The following NSUN2 variants were observed in gnomAD, a reference collection of about 807,000 sequenced individuals.
The protein encoded by NSUN2 is NOP2/Sun RNA methyltransferase 2.
Under a neutral mutation model 92.7 loss-of-function variants are expected in NSUN2, and 63 were observed. The observed-to-expected ratio is 0.68, with a 90% CI of 0.56 to 0.84. The LOEUF (loss-of-function observed/expected upper bound fraction) is 0.84, where lower values mean the gene tolerates loss of function less well. Among genes scored for constraint, NSUN2 ranks in the 40% least tolerant of loss-of-function variants. The pLI, the probability that NSUN2 is intolerant of heterozygous loss-of-function variation, is 0.00. For synonymous variants in NSUN2, 356 were observed against 348.3 expected, an observed-to-expected ratio of 1.02 and a Z score of -0.25; for missense variants, 989 against 964.9, an observed-to-expected ratio of 1.02 and a Z score of -0.33.
chr5:6,630,913 A>G (rs193742), intron 3 of NSUN2, among the ~76,000 whole-genome samples: 26,582 of 152,010 alleles, frequency 0.17, 2,603 homozygotes, highest in African/African-American at 0.24. Context: ...CTAGCAAGGT[A>G]AAAACCCGTC....
At chr5:6,606,192 G>A (rs1038750245) in intron 14 of NSUN2, among the ~76,000 whole-genome samples, 12 of 152,182 alleles carry the variant, frequency 7.9e-5, no homozygotes, top group African/African-American at 2.9e-4. Context: ...TACAGAAACT[G>A]AACTAGACAA....
At chr5:6,602,373 C>T (rs1490688461) in intron 18 of NSUN2, 88 bp downstream of exon 18, 7 of 1,370,626 alleles carry the variant, frequency 5.1e-6, no homozygotes, top group African/African-American at 1.4e-5. Context: ...AAGGTTCCCA[C>T]CTTCCCAAGT....
chr5:6,629,522 TC>T (rs1737785347), intron 3 of NSUN2, among the ~76,000 whole-genome samples: 1 of 152,200 alleles, frequency 6.6e-6, no homozygotes, highest in Non-Finnish European at 1.5e-5. Context: ...GCATTTCTTA[TC>T]CCGTCTCTGC....
chr5:6,631,796 G>T, intron 3 of NSUN2, 77 bp downstream of exon 3: 2 of 1,105,108 alleles, frequency 1.8e-6, no homozygotes, highest in Non-Finnish European at 2.7e-6. Context: ...AGCAAATGCA[G>T]TACCAAGAAA....
intron 6 of NSUN2, chr5:6,621,306 A>C (rs2126497842): frequency 6.6e-6 from 1 of 152,288 alleles, no homozygotes; most frequent in African/African-American, 2.4e-5. Context: ...GGTAGCTTTT[A>C]ACTACACACT....
rs1367564724 is a variant in NSUN2, at chr5:6,614,094, GGAAAAAAAAAAA to G, written c.1022-2308_1022-2297del. On this transcript the variant is annotated intron_variant, in intron 9 of 18. Transcript: ENST00000264670. ...CTGGGCAACAGAGCGAGACTGTCTC[GGAAAAAAAAAAA>G]AAAAAAAAAAAAAAAACCCACAACA... Among the ~76,000 whole-genome samples, 13 of 53,404 alleles carry G rather than the reference GGAAAAAAAAAAA, an allele frequency of 2.4e-4. 1 individual carries two copies. The highest frequency in any genetic ancestry group is 7.4e-4 in the South Asian group (1 of 1,360). The allele number at this position is 53,404 out of a possible 152,430, so 35.0% of individuals were successfully genotyped here.
At chr5:6,612,057 G>T (rs185650829) in intron 9 of NSUN2, among the ~76,000 whole-genome samples, 2 of 152,306 alleles carry the variant, frequency 1.3e-5, no homozygotes, top group East Asian at 3.9e-4. Context: ...CCTAAAGCTG[G>T]ACTGTGGTAA....
At position 6,607,375 on chromosome 5, in the gene NSUN2, T is replaced by C. The variant is rs368227628; in HGVS notation, c.1333A>G (p.Lys445Glu). Reference protein sequence around the residue: ...WNKRQPKLQGKSAETRESTQL... With the variant: ...WNKRQPKLQGESAETRESTQL... Reference sequence around the variant, plus strand: ...GTGCTTTCTCTGGTCTCTGCAGATTTACCCTGAAGCTGTCATAAAGAACAA... The same window carrying C: ...GTGCTTTCTCTGGTCTCTGCAGATTCACCCTGAAGCTGTCATAAAGAACAA... Residue 445 changes from lysine (K) to glutamate (E), a missense_variant, in exon 13 of 19, where the codon AAA becomes GAA. Around this residue, in one of 3 missense-constraint regions of NSUN2, gnomAD observed 626 missense variants for 602.3 expected, o/e 1.04. Coordinates refer to ENST00000264670, the MANE Select transcript of NSUN2 (RefSeq NM_017755.6). 3.7e-6 allele frequency: 6 copies of C among 1,611,304 alleles called. No individual in the cohort carries two copies. The highest frequency in any genetic ancestry group is 1.7e-5 in the Admixed American group (1 of 59,736).
chr5:6,615,275 A>G (rs2459720), intron 9 of NSUN2, among the ~76,000 whole-genome samples: 4,194 of 152,282 alleles, frequency 0.028, 211 homozygotes, highest in African/African-American at 0.095. Context: ...GGGATCTGAA[A>G]GCAGACTGTG....
In NSUN2 at chr5:6,622,113, C is replaced by G; in HGVS notation, c.538-13G>C. On this transcript the variant is annotated splice_polypyrimidine_tract_variant and intron_variant, in intron 5 of 18. Coordinates refer to ENST00000264670, the MANE Select transcript of NSUN2 (RefSeq NM_017755.6). ...ACATATCTAAGATCTATTAACAAAG[C>G]AAGAAACTGTTTCATGTTTTTAAAA... is the stretch of plus-strand genomic sequence containing the variant. The G allele has an allele frequency of 5.0e-6, 8 of 1,598,316 alleles. No homozygotes were observed. Among genetic ancestry groups the G allele is most frequent in the Non-Finnish European group, 6.8e-6 (8 of 1,169,916 alleles).
Position 6,631,870 on chromosome 5 carries a change from T to G in NSUN2, c.359+3A>C. The G allele has an allele frequency of 6.3e-7, 1 of 1,598,388 alleles. No homozygotes were observed. Among genetic ancestry groups the G allele is most frequent in the Non-Finnish European group, 8.6e-7 (1 of 1,166,070 alleles). ...ATTCGGCATGAAGCACTGTGGTACC[T>G]ACCAACTCAGTGGCTGTGGAACTTC... On this transcript the variant is annotated splice_donor_region_variant and intron_variant, in intron 3 of 18. Transcript: ENST00000264670.
chr5:6,612,950 C>T (rs1737063618), intron 9 of NSUN2, among the ~76,000 whole-genome samples: 1 of 152,200 alleles, frequency 6.6e-6, no homozygotes, highest in African/African-American at 2.4e-5. Context: ...TCAAAATCAC[C>T]AGCAACCACC....
chr5:6,606,390 T>C (rs1014953053), intron 14 of NSUN2, among the ~76,000 whole-genome samples: 5 of 152,038 alleles, frequency 3.3e-5, no homozygotes, highest in African/African-American at 4.8e-5. Flanking sequence ...TTCACGCCAT[T>C]CTCCTGCCTC....
chr5:6,622,705 G>C (rs536876285), intron 5 of NSUN2, among the ~76,000 whole-genome samples: 132 of 152,050 alleles, frequency 8.7e-4, no homozygotes, highest in African/African-American at 2.9e-3. Context: ...AAATTAGCAG[G>C]GTGTGGTGGT....
rs373912294 is a variant in NSUN2 at position 6,604,190 on chromosome 5, A to G, written c.1905T>C (p.Asn635=). The G allele has an allele frequency of 1.1e-5, 17 of 1,613,892 alleles. No individual in the cohort carries two copies. The highest frequency in any genetic ancestry group is 4.5e-5 in the East Asian group (2 of 44,880). ...CACTGCTGAGTTTTCTAAAAAAGGG[A>G]TTTTCCTGGGTCAACAGTATCTTAA... ...EDVKILLTQE[N]PFFRKLSSET... is the part of the protein sequence containing the mutation. Residue 635 remains asparagine (N), a synonymous_variant, in exon 17 of 19, where the codon AAT becomes AAC. Coordinates refer to ENST00000264670, the MANE Select transcript of NSUN2 (RefSeq NM_017755.6).
At chr5:6,614,097 A>G (rs1194002122) in intron 9 of NSUN2, among the ~76,000 whole-genome samples, 20 of 38,956 alleles carry the variant, frequency 5.1e-4, no homozygotes, top group East Asian at 2.7e-3. Flanking sequence ...CTGTCTCGGA[A>G]AAAAAAAAAA....
At chr5:6,600,522 C>T (rs1213436611) in intron 18 of NSUN2, among the ~76,000 whole-genome samples, 4 of 152,190 alleles carry the variant, frequency 2.6e-5, no homozygotes, top group African/African-American at 7.2e-5. Flanking sequence ...TTTCTACATA[C>T]TTCCTTCTCA....
intron 12 of NSUN2, among the ~76,000 whole-genome samples, chr5:6,608,379 A>G (rs1736865146): frequency 6.6e-6 from 1 of 152,200 alleles, no homozygotes; most frequent in African/African-American, 2.4e-5. Context: ...TCCCTGGCCT[A>G]ACTTCTAGCC....
At chr5:6,606,744 A>G (rs1317920473) in intron 14 of NSUN2, 76 bp downstream of exon 14, 5 of 797,660 alleles carry the variant, frequency 6.3e-6, no homozygotes, top group Non-Finnish European at 1.0e-5. Flanking sequence ...AACAATGGTT[A>G]CATGTGATCA....
Sources: allele counts gnomAD v4.1 joint callset (sites outside exome capture counted in the v4.1 genomes callset), GRCh38; gene constraint gnomAD v4.1.1; regional missense constraint gnomAD v4.1.1; transcripts MANE v1.5; gene names NCBI Gene and HGNC (gene_info 2026-07-23, HGNC 2026-07-21).